ABCA12: variants seen among roughly 807,000 people sequenced by gnomAD.
ABCA12 encodes ATP binding cassette subfamily A member 12.
In ABCA12, 156 loss-of-function variants were observed where a neutral mutation model predicts 293.5. The ratio of observed to expected loss-of-function variants is 0.53; its 90% CI spans 0.47 to 0.61. The LOEUF (loss-of-function observed/expected upper bound fraction) is 0.61, where lower values mean the gene tolerates loss of function less well. Ranked by LOEUF, ABCA12 falls within the 20% of genes least tolerant of loss-of-function variation. The pLI is 0.00. For synonymous variants in ABCA12, 1,063 were observed against 1,108.0 expected (o/e 0.96, Z 0.81); for missense variants, 2,797 against 3,090.2 (o/e 0.91, Z 2.25).
At chr2:215,123,026 A>C (rs935487215) in intron 1 of ABCA12, among the ~76,000 whole-genome samples, 1 of 152,148 alleles carries the variant, frequency 6.6e-6, no homozygotes, top group Admixed American at 6.6e-5. Context: ...AAGTGAGAAC[A>C]TATGATATGT....
At chr2:215,122,186 C>T (rs1406861289) in intron 1 of ABCA12, among the ~76,000 whole-genome samples, 1 of 152,132 alleles carries the variant, frequency 6.6e-6, no homozygotes, top group African/African-American at 2.4e-5. Context: ...ACCTCTTCAC[C>T]TCAGTTACTT....
At chr2:215,034,113 G>T (rs886118583) in intron 8 of ABCA12, among the ~76,000 whole-genome samples, 2 of 151,954 alleles carry the variant, frequency 1.3e-5, no homozygotes, top group African/African-American at 4.8e-5. Context: ...GTACTATTTT[G>T]CAAAAGAGCA....
At chr2:214,934,732 G>A (rs984412894) in intron 51 of ABCA12, among the ~76,000 whole-genome samples, 9 of 151,924 alleles carry the variant, frequency 5.9e-5, no homozygotes, top group Admixed American at 2.6e-4. Flanking sequence ...TCTTTATTTC[G>A]GTCACCAGTA....
intron 37 of ABCA12, among the ~76,000 whole-genome samples, chr2:214,969,520 AT>A (rs1029173618): frequency 6.6e-6 from 1 of 152,052 alleles, no homozygotes; most frequent in African/African-American, 2.4e-5. Flanking sequence ...ACATCATAGT[AT>A]GTAATTCACT....
At position 214,949,083 on chromosome 2, in the gene ABCA12, T is replaced by A. The variant is rs150196545; in HGVS notation, c.6919A>T (p.Ile2307Phe). Residue 2307 changes from isoleucine (I) to phenylalanine (F), a missense_variant, in exon 46 of 53, where the codon ATC (isoleucine) becomes TTC (phenylalanine). Ile to Phe is a conservative substitution (Grantham distance 21). Coordinates refer to ENST00000272895, the MANE Select transcript of ABCA12 (RefSeq NM_173076.3). ...TTIFKMLTGD[I>F]IPSSGNILIR... ...AGAATGTTTCCACTTGAAGGAATGATGTCTCCTGTCAGCATCTTGAATATA... is the reference window on the plus strand; with the variant it reads ...AGAATGTTTCCACTTGAAGGAATGAAGTCTCCTGTCAGCATCTTGAATATA... 9.3e-6 allele frequency: 15 copies of A among 1,613,846 alleles called. No homozygotes were observed. The highest frequency in any genetic ancestry group is 1.2e-5 in the Non-Finnish European group (14 of 1,179,946).
intron 1 of ABCA12, among the ~76,000 whole-genome samples, chr2:215,132,808 T>C (rs1703089678): frequency 6.6e-6 from 1 of 152,088 alleles, no homozygotes; most frequent in Non-Finnish European, 1.5e-5. Context: ...AGGTTTCTAT[T>C]GTGCAGTTGC....
rs1265030338 is a variant in ABCA12, at chr2:214,970,328, C to T, written c.5635G>A (p.Gly1879Arg). Reference protein sequence around the residue: ...YSSQVIYNLTGQRVENYLIST... With the variant: ...YSSQVIYNLTRQRVENYLIST... ...ATAAGATAATTTTCCACTCGTTGCC[C>T]AGTGAGGTTATAAATTACCTGGGAT... Residue 1879 changes from glycine to arginine, a missense_variant, in exon 37 of 53, where the codon GGG (glycine) becomes AGG (arginine). This residue lies in a region of ABCA12 where 2,130 missense variants were observed against 2,427.0 expected (regional missense o/e 0.88). Coordinates refer to ENST00000272895, the MANE Select transcript of ABCA12 (RefSeq NM_173076.3). The T allele has an allele frequency of 3.1e-6, 5 of 1,612,980 alleles. No homozygotes were observed. The highest frequency in any genetic ancestry group is 1.3e-5 in the African/African-American group (1 of 74,850).
In ABCA12 at chr2:214,958,465, C is replaced by A. The variant is rs1426976708; in HGVS notation, c.5940-11G>T. 6.2e-7 allele frequency: 1 copy of A among 1,613,428 alleles called. No individual in the cohort carries two copies. The highest frequency in any genetic ancestry group is 8.5e-7 in the Non-Finnish European group (1 of 1,179,592). On this transcript the variant is annotated splice_polypyrimidine_tract_variant and intron_variant, in intron 40 of 52. Coordinates refer to ENST00000272895, the MANE Select transcript of ABCA12 (RefSeq NM_173076.3). Reference sequence around the variant, plus strand: ...ATTAAACTGCTGATTCTAGAGTGAGCAATAGGGAGAGGAAAACACACATAA... The same window carrying A: ...ATTAAACTGCTGATTCTAGAGTGAGAAATAGGGAGAGGAAAACACACATAA...
Position 215,064,093 on chromosome 2 carries a change from C to G in ABCA12, c.290G>C (p.Gly97Ala). The change falls in exon 3 of 53, where the codon GGA (glycine) becomes GCA (alanine). Residue 97 changes from glycine to alanine, a missense_variant. By Grantham distance (60) the Gly-to-Ala change is moderately conservative (BLOSUM62 0). Coordinates refer to ENST00000272895, the MANE Select transcript of ABCA12 (RefSeq NM_173076.3). ...YGPQDLLRRK[G>A]IDDALFKDSE... ...GTCTTTAAATAGTGCATCATCAATT[C>G]CTTTCCTACGAAGCAGATCTTGTGG... The G allele has an allele frequency of 6.2e-7, 1 of 1,612,866 alleles. No individual in the cohort carries two copies. Among genetic ancestry groups the G allele is most frequent in the Non-Finnish European group, 8.5e-7 (1 of 1,179,164 alleles).
intron 44 of ABCA12, among the ~76,000 whole-genome samples, chr2:214,952,468 G>A (rs1398146509): frequency 1.3e-5 from 2 of 152,154 alleles, no homozygotes; most frequent in South Asian, 2.1e-4. Context: ...TGATCTGCCC[G>A]TCTTGGCCTC....
At chr2:215,011,348 A>C in intron 17 of ABCA12, 91 bp downstream of exon 17, 5 of 917,490 alleles carry the variant, frequency 5.4e-6, no homozygotes, top group South Asian at 1.5e-5. Flanking sequence ...GAAAATTAAT[A>C]CTTCATTTAT....
intron 11 of ABCA12, chr2:215,020,860 C>T (rs1488068064): frequency 6.6e-6 from 1 of 151,264 alleles, no homozygotes; most frequent in South Asian, 2.1e-4. Context: ...TACCTGCACT[C>T]CTGGCTAATT....
intron 1 of ABCA12, among the ~76,000 whole-genome samples, chr2:215,120,959 G>T (rs1015418425): frequency 6.6e-6 from 1 of 152,158 alleles, no homozygotes; most frequent in Admixed American, 6.5e-5. Context: ...ATGAATTCTT[G>T]TTGTCAAGTG....
At chr2:214,996,414 C>A (rs959752030) in intron 23 of ABCA12, among the ~76,000 whole-genome samples, 9 of 152,054 alleles carry the variant, frequency 5.9e-5, no homozygotes, top group Non-Finnish European at 7.4e-5. Context: ...GAAATGGACT[C>A]TGTTTCTGTC....
chr2:215,138,456 C>G lies in ABCA12; in HGVS notation c.-248G>C. 1.9e-6 allele frequency: 1 copy of G among 535,256 alleles called. No homozygotes were observed. The allele number at this position is 535,256 out of a possible 1,614,324, so 33.2% of individuals were successfully genotyped here. ...CCAAAAGAAGGACCCAGATCAGTAT[C>G]TTTGGGTGGCTTATGCTTATTTTAA... On this transcript the variant is annotated 5_prime_UTR_variant, in exon 1 of 53. Transcript: ENST00000272895.
Position 215,025,709 on chromosome 2 carries a change from A to G in ABCA12, c.1251T>C (p.Asp417=), listed in dbSNP as rs1220636099. ...KSFLRNGSYE[D]YFPPVPEVLK... Reference sequence around the variant, plus strand: ...GGACTTCAGGAACTGGAGGAAAGTAATCTTCATAGGAACCATTGCGAAGAA... The same window carrying G: ...GGACTTCAGGAACTGGAGGAAAGTAGTCTTCATAGGAACCATTGCGAAGAA... Residue 417 remains aspartate (D), a synonymous_variant, in exon 11 of 53, where the codon GAT becomes GAC. Coordinates refer to ENST00000272895, the MANE Select transcript of ABCA12 (RefSeq NM_173076.3). The G allele has an allele frequency of 1.2e-6, 2 of 1,612,082 alleles. No homozygotes were observed. The highest frequency in any genetic ancestry group is 2.2e-5 in the South Asian group (2 of 90,720).
At chr2:215,014,755 CTA>C (rs960322088) in intron 15 of ABCA12, among the ~76,000 whole-genome samples, 4 of 152,250 alleles carry the variant, frequency 2.6e-5, no homozygotes, top group African/African-American at 9.6e-5. Flanking sequence ...ATCCCTGTGG[CTA>C]TGTCTCAAAA....
chr2:214,991,646 T>G (rs1186581025), intron 23 of ABCA12, among the ~76,000 whole-genome samples: 2 of 152,208 alleles, frequency 1.3e-5, no homozygotes, highest in African/African-American at 2.4e-5. Context: ...TCTAGGTCAA[T>G]ATTTGTCATC....
chr2:215,051,412 C>A (rs1559167645), intron 5 of ABCA12, among the ~76,000 whole-genome samples: 2 of 152,022 alleles, frequency 1.3e-5, no homozygotes, highest in Non-Finnish European at 2.9e-5. Flanking sequence ...TTGTGCTGGC[C>A]TTTGGCTCAT....
Sources: gnomAD v4.1 joint callset for allele counts (sites outside exome capture counted in the v4.1 genomes callset) on GRCh38, gnomAD v4.1.1 for gene constraint, gnomAD v4.1.1 regional missense constraint, MANE v1.5 for transcripts, NCBI Gene and HGNC (gene_info 2026-07-23, HGNC 2026-07-21) for gene names.